Variants in GDAP1 observed in about 807,000 individuals in gnomAD.
GDAP1 encodes ganglioside induced differentiation associated protein 1.
In GDAP1, 34 loss-of-function variants were observed where a neutral mutation model predicts 40.1. That is an observed-to-expected ratio of 0.85 (90% confidence interval 0.64 to 1.13). The LOEUF (loss-of-function observed/expected upper bound fraction) is 1.13. GDAP1 is among the 50% of genes most tolerant of loss of function. GDAP1 has a pLI of 0.00. For missense variants in GDAP1, 374 were observed against 433.7 expected, an observed-to-expected ratio of 0.86 and a Z score of 1.22; for synonymous variants, 170 against 157.4, an observed-to-expected ratio of 1.08 and a Z score of -0.60.
At chr8:74,352,967 TTCCCCTCCTCCA>T (rs1808948673) in intron 2 of GDAP1, among the ~76,000 whole-genome samples, 1 of 152,222 alleles carries the variant, frequency 6.6e-6, no homozygotes, top group African/African-American at 2.4e-5. Context: ...ACTATCATCA[TTCCCCTCCTCCA>T]TCCCCTCCTT....
At chr8:74,462,771 AT>A (rs1200238735) in intron 2 of GDAP1, among the ~76,000 whole-genome samples, 1 of 151,986 alleles carries the variant, frequency 6.6e-6, no homozygotes, top group East Asian at 1.9e-4. Flanking sequence ...GAATCCTAGA[AT>A]TTTTTTTATA....
chr8:74,357,734 C>A (rs1359178779), intron 2 of GDAP1, among the ~76,000 whole-genome samples: 1 of 152,192 alleles, frequency 6.6e-6, no homozygotes, highest in Admixed American at 6.5e-5. Context: ...GACCTCCTCT[C>A]ATTGCCTGCT....
chr8:74,423,485 A>G lies in GDAP1; in HGVS notation c.166-65193A>G, dbSNP rs183746671. Among the ~76,000 whole-genome samples the G allele has an allele frequency of 2.3e-3, 349 of 150,276 alleles. 2 individuals carry two copies. The highest frequency in any genetic ancestry group is 8.2e-3 in the African/African-American group (336 of 41,192). ...CTGTTTTACACAGATTGGGTGTTCA[A>G]AAAATATGTGATAGATGAACTGATG... On this transcript the variant is annotated intron_variant, in intron 2 of 2. Transcript: ENST00000523640.
chr8:74,356,716 A>ATATATATATTTTTTTTTTTTTTTTT (rs375377157), intron 2 of GDAP1, among the ~76,000 whole-genome samples: 6 of 104,362 alleles, frequency 5.7e-5, no homozygotes, highest in African/African-American at 1.2e-4. Context: ...ATATATATAT[A>ATATATATATTTTTTTTTTTTTTTTT]TTTTTTTTTT....
intron 2 of GDAP1, among the ~76,000 whole-genome samples, chr8:74,440,600 A>ATC (rs1806151086): frequency 2.1e-5 from 1 of 46,930 alleles, no homozygotes; most frequent in Non-Finnish European, 3.9e-5. Flanking sequence ...GTTACTTTAG[A>ATC]AGTCTTTTTT....
chr8:74,450,133 C>T (rs1806279243), intron 2 of GDAP1, among the ~76,000 whole-genome samples: 1 of 150,970 alleles, frequency 6.6e-6, no homozygotes, highest in Admixed American at 6.6e-5. Context: ...TCAATTTCCA[C>T]ATATTCGGTT....
Position 74,365,855 on chromosome 8 carries a change from C to T in GDAP1, c.*1488C>T, listed in dbSNP as rs766057443. ...AATAATTGAGTAGCAGCTTTTATAA[C>T]ATTTAAAATTTGCACATGAGTGTGT... On this transcript the variant is annotated 3_prime_UTR_variant, in exon 6 of 6. Transcript: ENST00000220822. 4.4e-5 allele frequency: 20 copies of T among 454,206 alleles called. No homozygotes were observed. Among genetic ancestry groups the T allele is most frequent in the Non-Finnish European group, 1.3e-5 (3 of 226,782 alleles). The allele number at this position is 454,206 out of a possible 1,614,324, so 28.1% of individuals were successfully genotyped here.
intron 2 of GDAP1, among the ~76,000 whole-genome samples, chr8:74,460,458 G>A (rs1447390181): frequency 2.6e-5 from 4 of 152,092 alleles, no homozygotes; most frequent in Non-Finnish European, 2.9e-5. Flanking sequence ...ATGTCATGTC[G>A]CCAATTTTAC....
intron 2 of GDAP1, among the ~76,000 whole-genome samples, chr8:74,475,322 T>C (rs1806615177): frequency 1.3e-5 from 2 of 152,166 alleles, no homozygotes; most frequent in Admixed American, 1.3e-4. Flanking sequence ...TTGTCTCTGC[T>C]AGCTTTGGGG....
In GDAP1 at chr8:74,399,535, G is replaced by A. The variant is rs562776983; in HGVS notation, c.165+48214G>A. On this transcript the variant is annotated intron_variant, in intron 2 of 2. Transcript: ENST00000523640. The stretch of plus-strand genomic sequence containing the variant: ...TCATTAATTTTTTGAAGGGTTTTTT[G>A]TGTCTCTATTTCCTTCAGTTCTGCT... Among the ~76,000 whole-genome samples, 667 of 145,956 alleles carry A rather than the reference G, an allele frequency of 4.6e-3. 41 individuals are homozygous for A. The highest frequency in any genetic ancestry group is 0.017 in the African/African-American group (609 of 36,478).
intron 2 of GDAP1, among the ~76,000 whole-genome samples, chr8:74,408,751 G>A (rs906212044): frequency 6.7e-6 from 1 of 150,014 alleles, no homozygotes; most frequent in Non-Finnish European, 1.5e-5. Flanking sequence ...ATCTGCCCGA[G>A]CCCCTGTATT....
intron 2 of GDAP1, among the ~76,000 whole-genome samples, chr8:74,405,962 T>A (rs1805633903): frequency 6.7e-6 from 1 of 150,142 alleles, no homozygotes; most frequent in Admixed American, 6.6e-5. Context: ...ACATTCTGAA[T>A]TGTGAAAGTT....
At chr8:74,367,086 A>T (rs1416619534), downstream of GDAP1, 1 of 141,580 alleles carries the variant, frequency 7.1e-6, no homozygotes, top group Non-Finnish European at 1.4e-5. Flanking sequence ...CTAAAGAATA[A>T]CACTGATCTC....
intron 2 of GDAP1, among the ~76,000 whole-genome samples, chr8:74,472,063 A>C (rs1035680120): frequency 2.6e-5 from 4 of 152,108 alleles, no homozygotes; most frequent in African/African-American, 4.8e-5. Flanking sequence ...CTAGTACCCA[A>C]TATTTTTTCT....
chr8:74,371,774 A>C (rs908838395), downstream of GDAP1, among the ~76,000 whole-genome samples: 39 of 145,048 alleles, frequency 2.7e-4, no homozygotes, highest in African/African-American at 9.5e-4. Flanking sequence ...AAAATTTTTT[A>C]TTTTTTTTTA....
chr8:74,383,820 C>G (rs1003608500), intron 2 of GDAP1, among the ~76,000 whole-genome samples: 7 of 152,100 alleles, frequency 4.6e-5, no homozygotes, highest in African/African-American at 1.4e-4. Context: ...GCCTTCCAAT[C>G]AAAATCTATG....
intron 2 of GDAP1, among the ~76,000 whole-genome samples, chr8:74,376,497 C>T (rs567552072): frequency 1.1e-4 from 16 of 152,082 alleles, no homozygotes; most frequent in East Asian, 5.8e-4. Flanking sequence ...TACGGGCGCC[C>T]GCCACCAAGC....
chr8:74,369,023 G>A (rs117432274), downstream of GDAP1, among the ~76,000 whole-genome samples: 884 of 152,274 alleles, frequency 5.8e-3, 3 homozygotes, highest in Middle Eastern at 0.014. Flanking sequence ...CAAGGGAGAC[G>A]TATTCTGGAG....
At chr8:74,434,065 G>A (rs1806059425) in intron 2 of GDAP1, among the ~76,000 whole-genome samples, 1 of 152,182 alleles carries the variant, frequency 6.6e-6, no homozygotes, top group South Asian at 2.1e-4. Context: ...ACATGGCAGT[G>A]AATCTTATAG....
Sources: allele counts gnomAD v4.1 joint callset (sites outside exome capture counted in the v4.1 genomes callset), GRCh38; gene constraint gnomAD v4.1.1; transcripts MANE v1.5; gene names NCBI Gene and HGNC (gene_info 2026-07-23, HGNC 2026-07-21).